The following MSI2 variants were observed in gnomAD, a reference collection of about 807,000 sequenced individuals.
MSI2 encodes musashi RNA binding protein 2.
A neutral mutation model predicts 45.6 loss-of-function variants in MSI2; 17 were observed. The ratio of observed to expected loss-of-function variants is 0.37; its 90% CI spans 0.26 to 0.56. The LOEUF (loss-of-function observed/expected upper bound fraction) is 0.56. Among genes scored for constraint, MSI2 ranks in the 20% least tolerant of loss-of-function variants. The pLI, the probability that MSI2 is intolerant of heterozygous loss-of-function variation, is 0.77. For synonymous variants in MSI2, 156 were observed against 158.2 expected (o/e 0.99, Z 0.11); for missense variants, 293 against 444.2 (o/e 0.66, Z 3.06).
rs202087724 is a variant in MSI2, at chr17:57,485,550, TG to T, written c.406-44125del. Among the ~76,000 whole-genome samples, 448 of 152,338 alleles carry T rather than the reference TG, an allele frequency of 2.9e-3. 1 individual carries two copies. Among genetic ancestry groups the T allele is most frequent in the Admixed American group, 7.6e-3 (116 of 15,300 alleles). On this transcript the variant is annotated intron_variant, in intron 6 of 13. Transcript: ENST00000284073. ...GCATCTTCCTTGCGAAACATGGAGC[TG>T]CTCAGGAAAGAAAGGGCCCGTGATT...
At chr17:57,272,761 A>C (rs1409990064) in intron 5 of MSI2, among the ~76,000 whole-genome samples, 2 of 152,128 alleles carry the variant, frequency 1.3e-5, no homozygotes, top group African/African-American at 4.8e-5. Flanking sequence ...TTTTCATCCC[A>C]TTCCTCGCCA....
rs5821192 is a variant in MSI2 at position 57,583,488 on chromosome 17, C to CTTTTTTTTTTTTTTTTTTTTTTTTTTTT, written c.455-13361_455-13360insTTTTTTTTTTTTTTTTTTTTTTTTTTTT. ...TACTTTTTTCCTTCTCCCAATGTTT[C>CTTTTTTTTTTTTTTTTTTTTTTTTTTTT]TTTTTTTTTTTTTTTTTTTGAGACA... On this transcript the variant is annotated intron_variant, in intron 7 of 13. Coordinates refer to ENST00000284073, the MANE Select transcript of MSI2 (RefSeq NM_138962.4). 3.3e-4 allele frequency among the ~76,000 whole-genome samples: 32 copies of CTTTTTTTTTTTTTTTTTTTTTTTTTTTT among 98,022 alleles called. No homozygotes were observed. In the East Asian group the frequency reaches 3.5e-3, roughly 11 times the overall value. The allele number at this position is 98,022 out of a possible 152,430, so 64.3% of individuals were successfully genotyped here. A position where few individuals can be genotyped will look rare whatever the true frequency, so the allele number is the denominator to read the frequency against.
intron 11 of MSI2, among the ~76,000 whole-genome samples, chr17:57,663,961 G>A (rs1209986372): frequency 2.6e-5 from 4 of 152,046 alleles, no homozygotes; most frequent in African/African-American, 7.3e-5. Flanking sequence ...CTCCTAGGGG[G>A]AGAGGTTGCC....
At chr17:57,271,774 A>G (rs1343332148) in intron 5 of MSI2, among the ~76,000 whole-genome samples, 2 of 139,656 alleles carry the variant, frequency 1.4e-5, no homozygotes, top group Non-Finnish European at 3.0e-5. Context: ...TTTTAAGCTG[A>G]CATATTGTAA....
chr17:57,390,991 G>A lies in MSI2; in HGVS notation c.313-10388G>A, dbSNP rs537830695. ...GTGGCTATTTACTTCTGTTTACAGGGAACTTTGACATGCTCAACTTTTGTG... is the reference window on the plus strand; with the variant it reads ...GTGGCTATTTACTTCTGTTTACAGGAAACTTTGACATGCTCAACTTTTGTG... On this transcript the variant is annotated intron_variant, in intron 5 of 13. Coordinates refer to ENST00000284073, the MANE Select transcript of MSI2 (RefSeq NM_138962.4). Among the ~76,000 whole-genome samples, 15 of 152,320 alleles carry A rather than the reference G, an allele frequency of 9.8e-5. No individual in the cohort carries two copies. In the South Asian group the frequency reaches 2.3e-3, roughly 23 times the overall value.
At chr17:57,626,913 C>T in intron 9 of MSI2, 1 of 449,660 alleles carries the variant, frequency 2.2e-6, no homozygotes, top group Non-Finnish European at 4.0e-6. Context: ...GGTAAGCTCT[C>T]CAAATGTCAG....
At chr17:57,569,047 C>T (rs1225993116) in intron 7 of MSI2, among the ~76,000 whole-genome samples, 1 of 150,630 alleles carries the variant, frequency 6.6e-6, no homozygotes, top group Non-Finnish European at 1.5e-5. Flanking sequence ...GGGTCAGGTG[C>T]AACATCTCTT....
At chr17:57,697,013 T>G in the MSI2 span, among the ~76,000 whole-genome samples, 1 of 152,100 alleles carries the variant, frequency 6.6e-6, no homozygotes, top group African/African-American at 2.4e-5. Context: ...CTCTGTAGCT[T>G]CACTGTAAGC....
rs190644730 is a variant in MSI2, at chr17:57,322,353, T to G, written c.312+60161T>G. 2.0e-5 allele frequency among the ~76,000 whole-genome samples: 3 copies of G among 152,280 alleles called. No homozygotes were observed. The East Asian group carries it at 5.8e-4, about 29-fold the overall frequency. On this transcript the variant is annotated intron_variant, in intron 5 of 13. Coordinates refer to ENST00000284073, the MANE Select transcript of MSI2 (RefSeq NM_138962.4). ...CAGGGTTTGGTTCTCAGAGTCTGAT[T>G]AGGAGAACTTGAATGGAAAAATTTA...
intron 6 of MSI2, among the ~76,000 whole-genome samples, chr17:57,447,932 C>T (rs1052186429): frequency 2.0e-5 from 3 of 152,188 alleles, no homozygotes; most frequent in East Asian, 1.9e-4. Flanking sequence ...GCCTCAGATA[C>T]CAAGAAGCCC....
At chr17:57,503,670 G>A (rs559225316) in intron 6 of MSI2, among the ~76,000 whole-genome samples, 2 of 152,372 alleles carry the variant, frequency 1.3e-5, no homozygotes, top group East Asian at 3.9e-4. Context: ...TGGGTCTGGG[G>A]TGAGGGGCAG....
At chr17:57,502,840 TC>T (rs1567862964) in intron 6 of MSI2, among the ~76,000 whole-genome samples, 1 of 151,754 alleles carries the variant, frequency 6.6e-6, no homozygotes, top group Non-Finnish European at 1.5e-5. Context: ...CAGCCCACCC[TC>T]CATGGCCCCC....
intron 6 of MSI2, among the ~76,000 whole-genome samples, chr17:57,435,403 A>G (rs1478249426): frequency 2.0e-5 from 3 of 152,198 alleles, no homozygotes; most frequent in Non-Finnish European, 4.4e-5. Flanking sequence ...AACCAGGGGA[A>G]GAAGTTTGAA....
In MSI2 at chr17:57,605,993, CT is replaced by C. The variant is rs551400106; in HGVS notation, c.537+9044del. Reference sequence around the variant, plus strand: ...TTCCCAGAAATGAAAAGGAGGACAGCTGCTGCTGCCACCATCAGCTTTTTCC... The same window carrying C: ...TTCCCAGAAATGAAAAGGAGGACAGCGCTGCTGCCACCATCAGCTTTTTCC... On this transcript the variant is annotated intron_variant, in intron 8 of 13. Transcript: ENST00000284073. Among the ~76,000 whole-genome samples, 857 of 152,326 alleles carry C rather than the reference CT, an allele frequency of 5.6e-3. 5 individuals carry two copies. The highest frequency in any genetic ancestry group is 9.5e-3 in the Non-Finnish European group (648 of 68,022).
At chr17:57,512,434 C>G (rs1017031075) in intron 6 of MSI2, among the ~76,000 whole-genome samples, 3 of 152,192 alleles carry the variant, frequency 2.0e-5, no homozygotes, top group Non-Finnish European at 2.9e-5. Flanking sequence ...CTGCTGTCAC[C>G]TGTTGCCATC....
intron 5 of MSI2, among the ~76,000 whole-genome samples, chr17:57,331,449 AG>A: frequency 6.6e-6 from 1 of 152,328 alleles, no homozygotes; most frequent in East Asian, 1.9e-4. Context: ...AGAGATATCA[AG>A]AAAGGAAATA....
chr17:57,529,299 G>GAT lies in MSI2; in HGVS notation c.406-376_406-375dup, dbSNP rs1411204196. The stretch of plus-strand genomic sequence containing the variant: ...AAAATAAAATAAAATAACTGGGCAT[G>GAT]ATGGTACATGCCTGTAGTCCCAGCT... On this transcript the variant is annotated intron_variant, in intron 6 of 13. Coordinates refer to ENST00000284073, the MANE Select transcript of MSI2 (RefSeq NM_138962.4). The surrounding 1 kb of genome is among the most constrained non-coding windows in gnomAD (Gnocchi z 5.3). 6.6e-6 allele frequency among the ~76,000 whole-genome samples: 1 copy of GAT among 152,062 alleles called. No homozygotes were observed. Among genetic ancestry groups the GAT allele is most frequent in the Non-Finnish European group, 1.5e-5 (1 of 68,032 alleles).
chr17:57,467,750 G>A (rs965632266), intron 6 of MSI2, among the ~76,000 whole-genome samples: 6 of 152,176 alleles, frequency 3.9e-5, no homozygotes, highest in East Asian at 1.9e-4. Context: ...ACAGTCTTCC[G>A]TGAACATTTA....
At chr17:57,468,457 C>G (rs1598303532) in intron 6 of MSI2, among the ~76,000 whole-genome samples, 1 of 145,416 alleles carries the variant, frequency 6.9e-6, no homozygotes, top group Non-Finnish European at 1.5e-5. Context: ...GGAGGCGGAG[C>G]TTGCAGTGAG....
Sources: gnomAD v4.1 joint callset for allele counts (sites outside exome capture counted in the v4.1 genomes callset) on GRCh38, gnomAD v4.1.1 for gene constraint, Gnocchi (gnomAD v3.1) non-coding constraint, MANE v1.5 for transcripts, NCBI Gene and HGNC (gene_info 2026-07-23, HGNC 2026-07-21) for gene names.